RICTOR: variants seen among roughly 807,000 people sequenced by gnomAD.
RICTOR encodes the protein RPTOR independent companion of MTOR complex 2.
RICTOR carries 49 observed loss-of-function variants against 214.9 expected under a neutral mutation model. The observed-to-expected ratio is 0.23, with a 90% CI of 0.18 to 0.29. The LOEUF is 0.29. RICTOR is among the 10% of genes least tolerant of loss of function. RICTOR has a pLI of 1.00. For synonymous variants in RICTOR, 717 were observed against 711.3 expected (o/e 1.01, Z -0.13); for missense variants, 1,625 against 2,047.0 (o/e 0.79, Z 3.98).
At chr5:39,006,992 G>T (rs1754133704) in intron 3 of RICTOR, among the ~76,000 whole-genome samples, 1 of 152,080 alleles carries the variant, frequency 6.6e-6, no homozygotes, top group African/African-American at 2.4e-5. Flanking sequence ...TTAAGAGAAT[G>T]CGTTTTTATA....
chr5:39,020,413 A>G lies in RICTOR; in HGVS notation c.195+626T>C, dbSNP rs1053876168. Among the ~76,000 whole-genome samples the G allele has an allele frequency of 2.0e-5, 3 of 152,206 alleles. No homozygotes were observed. In the East Asian group the frequency reaches 5.8e-4, roughly 29 times the overall value. Reference sequence around the variant, plus strand: ...GTCACCTTAACCTTCAGCAACCACTACTCTGATAAGGCAGCAGCCACTGAC... The same window carrying G: ...GTCACCTTAACCTTCAGCAACCACTGCTCTGATAAGGCAGCAGCCACTGAC... On this transcript the variant is annotated intron_variant, in intron 3 of 37. Transcript: ENST00000357387.
chr5:38,984,239 T>A (rs1416787445), intron 7 of RICTOR, among the ~76,000 whole-genome samples: 2 of 151,748 alleles, frequency 1.3e-5, no homozygotes, highest in Non-Finnish European at 2.9e-5. Context: ...ACTATTCTCT[T>A]CATTTATTTA....
intron 2 of RICTOR, among the ~76,000 whole-genome samples, chr5:39,064,645 G>C (rs1758775892): frequency 6.6e-6 from 1 of 152,172 alleles, no homozygotes; most frequent in South Asian, 2.1e-4. Flanking sequence ...TGAGACCTGG[G>C]AGCGGGAGGA....
At chr5:39,013,969 A>G (rs531102274) in intron 3 of RICTOR, among the ~76,000 whole-genome samples, 1 of 152,262 alleles carries the variant, frequency 6.6e-6, no homozygotes, top group East Asian at 1.9e-4. Flanking sequence ...GTAGTCCCAT[A>G]AGATTATAAT....
At chr5:38,949,097 C>T (rs1048420741) in intron 31 of RICTOR, among the ~76,000 whole-genome samples, 2 of 151,926 alleles carry the variant, frequency 1.3e-5, no homozygotes, top group Non-Finnish European at 2.9e-5. Flanking sequence ...ATTATAGGTA[C>T]AAAATTTTTT....
rs1580227771 is a variant in RICTOR, at chr5:39,065,086, C to T, written c.97+9025G>A. Among the ~76,000 whole-genome samples the T allele has an allele frequency of 2.6e-5, 4 of 152,254 alleles. No individual in the cohort carries two copies. In the South Asian group the frequency reaches 8.3e-4, roughly 32 times the overall value. ...ATTCTTGCATTGTTACAAAGAAACA[C>T]CTAAGACTGGGTAATTTATAAGAAA... On this transcript the variant is annotated intron_variant, in intron 2 of 37. Transcript: ENST00000357387.
intron 8 of RICTOR, among the ~76,000 whole-genome samples, chr5:38,980,298 A>G (rs1245091130): frequency 6.6e-6 from 1 of 152,012 alleles, no homozygotes; most frequent in African/African-American, 2.4e-5. Flanking sequence ...CTAATTTCCA[A>G]CTGAATGTCA....
chr5:39,062,103 T>C (rs1758580655), intron 2 of RICTOR, among the ~76,000 whole-genome samples: 1 of 152,084 alleles, frequency 6.6e-6, no homozygotes, highest in South Asian at 2.1e-4. Flanking sequence ...GTTATGCCAT[T>C]AAAAACACCG....
At chr5:38,959,073 AT>A in intron 22 of RICTOR, 121 bp downstream of exon 22, 1 of 837,296 alleles carries the variant, frequency 1.2e-6, no homozygotes, top group Non-Finnish European at 1.8e-6. Context: ...AGAAACTAAA[AT>A]TTTAAAGTAA....
intron 15 of RICTOR, 21 bp downstream of exon 15, chr5:38,966,620 A>C: frequency 8.6e-7 from 1 of 1,167,396 alleles, no homozygotes; most frequent in Non-Finnish European, 1.3e-6. Flanking sequence ...GAAACATATA[A>C]TCAGAAGTTG....
chr5:39,058,942 T>C (rs568839031), intron 2 of RICTOR, among the ~76,000 whole-genome samples: 2 of 152,166 alleles, frequency 1.3e-5, no homozygotes, highest in Non-Finnish European at 2.9e-5. Context: ...TATTATTAAC[T>C]GGCCAAAACC....
rs1580148397 is a variant in RICTOR, at chr5:39,033,009, A to G, written c.98-11873T>C. ...TCTTCATACTAACATTACAGCACATATAACACATATATCTGATTTGTCAGG... is the reference window on the plus strand; with the variant it reads ...TCTTCATACTAACATTACAGCACATGTAACACATATATCTGATTTGTCAGG... On this transcript the variant is annotated intron_variant, in intron 2 of 37. Coordinates refer to ENST00000357387, the MANE Select transcript of RICTOR (RefSeq NM_152756.5). Among the ~76,000 whole-genome samples the G allele has an allele frequency of 3.9e-5, 6 of 152,206 alleles. No individual in the cohort carries two copies. The South Asian group carries it at 1.0e-3, about 26-fold the overall frequency.
In RICTOR at chr5:39,050,197, TAA is replaced by T. The variant is rs34089101; in HGVS notation, c.97+23912_97+23913del. ...ATATAAATATAAACAAATAAATAAATAAATATATATATATATAAAGTATGCTG... is the reference window on the plus strand; with the variant it reads ...ATATAAATATAAACAAATAAATAAATATATATATATATATAAAGTATGCTG... On this transcript the variant is annotated intron_variant, in intron 2 of 37. Transcript: ENST00000357387. 3.3e-3 allele frequency among the ~76,000 whole-genome samples: 478 copies of T among 145,510 alleles called. 6 individuals are homozygous for T. The highest frequency in any genetic ancestry group is 0.011 in the African/African-American group (461 of 40,796).
chr5:39,021,438 C>CA (rs1755417246), intron 2 of RICTOR, among the ~76,000 whole-genome samples: 1 of 152,118 alleles, frequency 6.6e-6, no homozygotes, highest in Admixed American at 6.6e-5. Context: ...GAAACTTAAC[C>CA]ACTAATGCAA....
chr5:38,953,421 TA>T (rs780839462), intron 28 of RICTOR, 39 bp downstream of exon 28: 8 of 899,502 alleles, frequency 8.9e-6, no homozygotes, highest in Non-Finnish European at 1.2e-5. Flanking sequence ...CTTAAAAATC[TA>T]AAAATTGCGA....
At chr5:39,021,203 A>G in intron 2 of RICTOR, 67 bp from the exon 3 acceptor site, 1 of 877,194 alleles carries the variant, frequency 1.1e-6, no homozygotes, top group Non-Finnish European at 2.0e-6. Flanking sequence ...CACATAAAAC[A>G]TGCAGTATTA....
intron 3 of RICTOR, among the ~76,000 whole-genome samples, chr5:39,017,122 C>A (rs1175448604): frequency 6.6e-6 from 1 of 152,034 alleles, no homozygotes; most frequent in Non-Finnish European, 1.5e-5. Flanking sequence ...AGTAAAATAA[C>A]AGGAATTACT....
rs368214059 is a variant in RICTOR at position 38,949,816 on chromosome 5, G to A, written c.4032C>T (p.Ser1344=). ...KRLQQQRMHP[S]LSHSEALASP... Reference sequence around the variant, plus strand: ...ATGCCAAAGCTTCAGAGTGAGATAAGGATGGATGCATTCTTTGTTGCTGTA... The same window carrying A: ...ATGCCAAAGCTTCAGAGTGAGATAAAGATGGATGCATTCTTTGTTGCTGTA... The change falls in exon 31 of 38, where the codon TCC becomes TCT. Residue 1344 remains serine, a synonymous_variant. Coordinates refer to ENST00000357387, the MANE Select transcript of RICTOR (RefSeq NM_152756.5). The A allele has an allele frequency of 2.4e-5, 38 of 1,613,372 alleles. No homozygotes were observed. The highest frequency in any genetic ancestry group is 1.4e-5 in the Non-Finnish European group (16 of 1,179,550).
At position 38,945,034 on chromosome 5, in the gene RICTOR, C is replaced by T. The variant is rs373411571; in HGVS notation, c.4668G>A (p.Glu1556=). The T allele has an allele frequency of 1.2e-6, 2 of 1,610,354 alleles. No homozygotes were observed. Among genetic ancestry groups the T allele is most frequent in the African/African-American group, 2.7e-5 (2 of 74,792 alleles). ...FQDIPYSDWC[E]QTIHNPLEVV... ...CTTCTAAAGGATTATGGATAGTCTG[C>T]TCACACCAATCAGAATATGGAATAT... The change falls in exon 35 of 38, where the codon GAG becomes GAA. Residue 1556 remains glutamate (E), a synonymous_variant. Transcript: ENST00000357387.
Sources: allele counts gnomAD v4.1 joint callset (sites outside exome capture counted in the v4.1 genomes callset), GRCh38; gene constraint gnomAD v4.1.1; transcripts MANE v1.5; gene names NCBI Gene and HGNC (gene_info 2026-07-23, HGNC 2026-07-21).